HIP1R: variants seen among roughly 807,000 people sequenced by gnomAD.
HIP1R encodes the protein huntingtin interacting protein 1 related, also known as huntingtin-interacting protein 1-related protein.
Under a neutral mutation model 144.2 loss-of-function variants are expected in HIP1R, and 135 were observed. That is an observed-to-expected ratio of 0.94 (90% CI 0.81 to 1.08). HIP1R has a LOEUF of 1.08. Ranked by LOEUF, HIP1R falls within the 50% of genes least tolerant of loss-of-function variation. HIP1R has a pLI of 0.00. For missense variants in HIP1R, 1,462 were observed against 1,432.8 expected (o/e 1.02, Z -0.33); for synonymous variants, 698 against 612.8 (o/e 1.14, Z -2.05).
chr12:122,855,183 G>GA, intron 10 of HIP1R, 55 bp downstream of exon 10: 1 of 1,611,264 alleles, frequency 6.2e-7, no homozygotes, highest in South Asian at 1.1e-5. Flanking sequence ...CACCTGGCTG[G>GA]GCCCCACACA....
chr12:122,859,225 G>C (rs1179602648), intron 22 of HIP1R, 28 bp downstream of exon 22: 1 of 1,557,854 alleles, frequency 6.4e-7, no homozygotes, highest in East Asian at 2.4e-5. Flanking sequence ...GTGGGTTTGG[G>C]AGGCTTGGGC....
In HIP1R at chr12:122,849,857, C is replaced by A. The variant is rs747406090; in HGVS notation, c.358-18C>A. 4.4e-6 allele frequency: 7 copies of A among 1,600,938 alleles called. No individual in the cohort carries two copies. In the South Asian group the frequency reaches 6.6e-5, roughly 15 times the overall value. ...TGTTCACGAGCCGTGGCCCCTCACC[C>A]TGTCTGTCTTCACACAGGGACATTT... On this transcript the variant is annotated intron_variant, in intron 4 of 31. Coordinates refer to ENST00000253083, the MANE Select transcript of HIP1R (RefSeq NM_003959.3).
intron 1 of HIP1R, among the ~76,000 whole-genome samples, chr12:122,842,852 T>C (rs2033096965): frequency 1.3e-5 from 2 of 152,236 alleles, no homozygotes; most frequent in Admixed American, 6.5e-5. Flanking sequence ...CAGGGACCAG[T>C]GCAGCTCTGG....
chr12:122,860,959 A>G lies in HIP1R; in HGVS notation c.2810A>G (p.Glu937Gly), dbSNP rs2033751493. The change falls in exon 29 of 32, where the codon GAA becomes GGA. Residue 937 changes from glutamate (E) to glycine (G), a missense_variant. This residue lies in a region of HIP1R where 1,112 missense variants were observed against 1,011.7 expected (regional missense o/e 1.10). Transcript: ENST00000253083. ...AGCCCCCACCTGAGCCGCCTGCAGG[A>G]ATGTTCTCGCACAGTCAATGAGAGG... ...KHSPHLSRLQ[E>G]CSRTVNERAA... 2 of 1,613,398 alleles carry G rather than the reference A, an allele frequency of 1.2e-6. No individual in the cohort carries two copies. Among genetic ancestry groups the G allele is most frequent in the Non-Finnish European group, 1.7e-6 (2 of 1,179,956 alleles).
intron 18 of HIP1R, chr12:122,857,833 G>A (rs1225790661): frequency 1.0e-5 from 4 of 394,598 alleles, no homozygotes. Flanking sequence ...AGCAAAGGGT[G>A]CTACATATCT....
chr12:122,857,679 A>C, intron 18 of HIP1R: 1 of 282,772 alleles, frequency 3.5e-6, no homozygotes, highest in South Asian at 5.5e-5. Flanking sequence ...AAGTGGCTGC[A>C]CCATTTTACA....
At chr12:122,835,049 C>T (rs1566097720), upstream of HIP1R, 1 of 1,258,556 alleles carries the variant, frequency 7.9e-7, no homozygotes, top group Admixed American at 2.3e-5. Context: ...TGGCTGGGGT[C>T]CCTACCCTGG....
At chr12:122,852,414 T>C (rs1430253718) in intron 7 of HIP1R, among the ~76,000 whole-genome samples, 1 of 152,232 alleles carries the variant, frequency 6.6e-6, no homozygotes, top group Non-Finnish European at 1.5e-5. Flanking sequence ...GTGCTGAGCC[T>C]GAGCCTCTCA....
In HIP1R at chr12:122,849,912, T is replaced by C; in HGVS notation, c.395T>C (p.Val132Ala). 6.2e-7 allele frequency: 1 copy of C among 1,613,582 alleles called. No individual in the cohort carries two copies. Among genetic ancestry groups the C allele is most frequent in the Non-Finnish European group, 8.5e-7 (1 of 1,179,920 alleles). The change falls in exon 5 of 32, where the codon GTC becomes GCC. Residue 132 changes from valine (V) to alanine (A), a missense_variant. Val to Ala is a moderately conservative substitution (Grantham distance 64). Around this residue, in one of 2 missense-constraint regions of HIP1R, gnomAD observed 350 missense variants for 421.1 expected, o/e 0.83. Coordinates refer to ENST00000253083, the MANE Select transcript of HIP1R (RefSeq NM_003959.3). ...LHDRYGQLVN[V>A]YTKLLLTKIS... ...GACCGCTACGGACAGCTGGTGAATG[T>C]CTACACCAAGCTGCTGCTGACCAAG... is the stretch of plus-strand genomic sequence containing the variant.
chr12:122,846,429 A>G (rs2033214190), intron 1 of HIP1R, among the ~76,000 whole-genome samples: 1 of 152,110 alleles, frequency 6.6e-6, no homozygotes, highest in Non-Finnish European at 1.5e-5. Context: ...CTGGGCACTC[A>G]GGATCCTTAT....
At position 122,837,118 on chromosome 12, in the gene HIP1R, ACT is replaced by A. The variant is rs371441933; in HGVS notation, c.93+1476_93+1477del. On this transcript the variant is annotated intron_variant, in intron 1 of 31. Transcript: ENST00000253083. ...ATGTTGTCAGAAACTTTGTTTATTCACTGAGTTTTTTCTCGTGCCTTTGAGGA... is the reference window on the plus strand; with the variant it reads ...ATGTTGTCAGAAACTTTGTTTATTCAGAGTTTTTTCTCGTGCCTTTGAGGA... Among the ~76,000 whole-genome samples the A allele has an allele frequency of 4.5e-3, 684 of 152,324 alleles. 1 individual carries two copies. Among genetic ancestry groups the A allele is most frequent in the Middle Eastern group, 0.017 (5 of 294 alleles).
chr12:122,855,595 G>A lies in HIP1R; in HGVS notation c.1038G>A (p.Gly346=). The change falls in exon 12 of 32, where the codon GGG becomes GGA. Residue 346 remains glycine, a synonymous_variant. Coordinates refer to ENST00000253083, the MANE Select transcript of HIP1R (RefSeq NM_003959.3). ...LFDQTFGPPN[G]SVKDDRDLQI... The stretch of plus-strand genomic sequence containing the variant: ...ATCAGACGTTTGGACCCCCCAATGG[G>A]TCTGTGAAGGACGACAGGTGAGGGC... 2 of 1,549,892 alleles carry A rather than the reference G, an allele frequency of 1.3e-6. No individual in the cohort carries two copies. Among genetic ancestry groups the A allele is most frequent in the Non-Finnish European group, 1.7e-6 (2 of 1,147,042 alleles).
At chr12:122,860,341 G>T in intron 26 of HIP1R, 82 bp from the exon 27 acceptor site, 1 of 1,564,932 alleles carries the variant, frequency 6.4e-7, no homozygotes, top group Non-Finnish European at 8.8e-7. Flanking sequence ...CCAGAGTGAG[G>T]GGGAGAGGGC....
intron 1 of HIP1R, among the ~76,000 whole-genome samples, chr12:122,847,025 C>T (rs2033228950): frequency 6.6e-6 from 1 of 152,148 alleles, no homozygotes; most frequent in South Asian, 2.1e-4. Flanking sequence ...GGCTCAGGAG[C>T]CCAGCTGCCC....
In HIP1R at chr12:122,849,175, C is replaced by T. The variant is rs529068591; in HGVS notation, c.357+323C>T. Among the ~76,000 whole-genome samples the T allele has an allele frequency of 1.8e-4, 27 of 152,366 alleles. No individual in the cohort carries two copies. The East Asian group carries it at 2.3e-3, about 13-fold the overall frequency. ...TGGCAGGGCGCAGGTTCCTGGGCTC[C>T]CCCAGACCTGCTGCTGAAGAATCAG... On this transcript the variant is annotated intron_variant, in intron 4 of 31. Transcript: ENST00000253083.
At position 122,860,521 on chromosome 12, in the gene HIP1R, G is replaced by C; in HGVS notation, c.2658G>C (p.Leu886=). 1.9e-6 allele frequency: 3 copies of C among 1,611,344 alleles called. No homozygotes were observed. The highest frequency in any genetic ancestry group is 2.5e-6 in the Non-Finnish European group (3 of 1,178,534). ...CTGTGGGCTGGGGAGCCACACAGCT[G>C]GTGTAGGTTGCCCTGGGTGGGGGGG... ...SKAVGWGATQ[L]VEAADKVVLH... is the part of the protein sequence containing the mutation. The change falls in exon 27 of 32, where the codon CTG becomes CTC. Residue 886 remains leucine, a splice_region_variant and synonymous_variant. Coordinates refer to ENST00000253083, the MANE Select transcript of HIP1R (RefSeq NM_003959.3).
chr12:122,836,065 G>A lies in HIP1R; in HGVS notation c.93+422G>A, dbSNP rs919930433. Among the ~76,000 whole-genome samples, 2 of 152,072 alleles carry A rather than the reference G, an allele frequency of 1.3e-5. No homozygotes were observed. Among genetic ancestry groups the A allele is most frequent in the Admixed American group, 6.5e-5 (1 of 15,276 alleles). On this transcript the variant is annotated intron_variant, in intron 1 of 31. Transcript: ENST00000253083. This position sits in a 1 kb window ranked among gnomAD's most constrained non-coding sequence, Gnocchi z 4.1. ...ATCCAGGTGCTCCCGGGGCCGGCGC[G>A]GCCCGACTGGGGTCCCCGACCTTCC...
chr12:122,854,966 C>G lies in HIP1R; in HGVS notation c.776+4C>G. On this transcript the variant is annotated splice_donor_region_variant and intron_variant, in intron 9 of 31. Coordinates refer to ENST00000253083, the MANE Select transcript of HIP1R (RefSeq NM_003959.3). The stretch of plus-strand genomic sequence containing the variant: ...GGTTCCACGAGCAGTTTCACAGGTA[C>G]TGCCTGGGACAGGGACAGGATTGAG... 6.2e-7 allele frequency: 1 copy of G among 1,612,692 alleles called. No individual in the cohort carries two copies. Among genetic ancestry groups the G allele is most frequent in the Non-Finnish European group, 8.5e-7 (1 of 1,179,572 alleles).
In HIP1R at chr12:122,858,207, A is replaced by T. The variant is rs1379405461; in HGVS notation, c.1921A>T (p.Lys641Ter). 6.2e-7 allele frequency: 1 copy of T among 1,607,694 alleles called. No homozygotes were observed. Among genetic ancestry groups the T allele is most frequent in the African/African-American group, 1.3e-5 (1 of 74,844 alleles). ...GGGCATCCTGCAGGATGCCGTGAGC[A>T]AGCTGGACGACCCCCTGCACCTGCG... ...AAGILQDAVS[K>*]LDDPLHLRCT... The change falls in exon 19 of 32, where the codon AAG (lysine) becomes TAG (stop). Residue 641 changes from lysine to a stop codon, truncating the protein, a stop_gained. Transcript: ENST00000253083. LOFTEE classifies it high-confidence loss of function.
Sources: gnomAD v4.1 joint callset for allele counts (sites outside exome capture counted in the v4.1 genomes callset) on GRCh38, gnomAD v4.1.1 for gene constraint, gnomAD v4.1.1 regional missense constraint, Gnocchi (gnomAD v3.1) non-coding constraint, MANE v1.5 for transcripts, NCBI Gene and HGNC (gene_info 2026-07-23, HGNC 2026-07-21) for gene names.